Variants in ASMTL observed in about 807,000 individuals in gnomAD.
The protein encoded by ASMTL is acetylserotonin O-methyltransferase like.
ASMTL carries 57 observed loss-of-function variants against 60.3 expected under a neutral mutation model. The ratio of observed to expected loss-of-function variants is 0.95; its 90% CI spans 0.76 to 1.18. The LOEUF is 1.18. Ranked by LOEUF, ASMTL falls within the 50% of genes most tolerant of loss-of-function variation. ASMTL has a pLI of 0.00. For missense variants in ASMTL, 981 were observed against 852.6 expected (o/e 1.15, Z -1.88); for synonymous variants, 419 against 373.0 (o/e 1.12, Z -1.42).
At chrX:1,404,168 GTAGA>G (rs1479123578) in intron 12 of ASMTL, among the ~76,000 whole-genome samples, 29 of 147,660 alleles carry the variant, frequency 2.0e-4, no homozygotes, top group African/African-American at 5.1e-4. Flanking sequence ...GGGTACGTAG[GTAGA>G]TGGATGGATA....
chrX:1,415,279 C>A (rs1369716733), intron 11 of ASMTL, among the ~76,000 whole-genome samples: 1 of 151,772 alleles, frequency 6.6e-6, no homozygotes, highest in Non-Finnish European at 1.5e-5. Flanking sequence ...TCCTTCAAGT[C>A]TAACCTAAGG....
At position 1,418,109 on chromosome X, in the gene ASMTL, C is replaced by G. The variant is rs6644873; in HGVS notation, c.1386G>C (p.Thr462=). The G allele has an allele frequency of 0.69, 1,102,702 of 1,603,690 alleles. 384,208 individuals are homozygous for G. Among genetic ancestry groups the G allele is most frequent in the South Asian group, 0.83 (74,534 of 90,042 alleles). ...GGGCCAGCTCTCGGGCCAGTGCACCCGTGCAGCCTGCGGGGAAGCAAATGC... is the reference window on the plus strand; with the variant it reads ...GGGCCAGCTCTCGGGCCAGTGCACCGGTGCAGCCTGCGGGGAAGCAAATGC... ...FSSACDVGGC[T]GALARELARE... is the part of the protein sequence containing the mutation. Residue 462 remains threonine, a synonymous_variant, in exon 11 of 13, where the codon ACG becomes ACC. Coordinates refer to ENST00000381317, the MANE Select transcript of ASMTL (RefSeq NM_004192.4).
intron 12 of ASMTL, among the ~76,000 whole-genome samples, chrX:1,404,765 GTAGA>G (rs1368893382): frequency 1.3e-4 from 20 of 151,338 alleles, no homozygotes; most frequent in Admixed American, 3.3e-4. Flanking sequence ...TGATGGACAG[GTAGA>G]TAGATGAATG....
At chrX:1,413,415 C>T (rs2090112541) in intron 11 of ASMTL, among the ~76,000 whole-genome samples, 1 of 152,294 alleles carries the variant, frequency 6.6e-6, no homozygotes, top group South Asian at 2.1e-4. Context: ...AGTCGGCGCA[C>T]ATGGGCGTGT....
intron 1 of ASMTL, among the ~76,000 whole-genome samples, chrX:1,447,913 C>T (rs2091263479): frequency 6.7e-6 from 1 of 148,854 alleles, no homozygotes; most frequent in Non-Finnish European, 1.5e-5. Context: ...GCACCGCCAT[C>T]TTGGACACAC....
chrX:1,452,269 C>A (rs1277720287), intron 1 of ASMTL, among the ~76,000 whole-genome samples: 1 of 150,104 alleles, frequency 6.7e-6, no homozygotes, highest in African/African-American at 2.5e-5. Flanking sequence ...GGTTACTCCC[C>A]CACCCCCATC....
intron 4 of ASMTL, 155 bp from the exon 5 acceptor site, chrX:1,435,238 G>A (rs2090929463): frequency 2.4e-6 from 2 of 824,690 alleles, no homozygotes. Context: ...GGGTCTCCAG[G>A]GAAACCTTTA....
At chrX:1,444,208 A>T (rs2091184059) in intron 1 of ASMTL, among the ~76,000 whole-genome samples, 1 of 123,510 alleles carries the variant, frequency 8.1e-6, no homozygotes, top group African/African-American at 2.9e-5. Flanking sequence ...CACTTTTTGT[A>T]TTTTTTTTTT....
At chrX:1,425,043 ACCAT>A (rs1213380818) in intron 8 of ASMTL, among the ~76,000 whole-genome samples, 8 of 71,242 alleles carry the variant, frequency 1.1e-4, no homozygotes, top group African/African-American at 2.9e-4. Context: ...CTATCCACCT[ACCAT>A]CCATCCATCC....
intron 3 of ASMTL, among the ~76,000 whole-genome samples, chrX:1,436,332 C>A (rs1383790351): frequency 6.6e-6 from 1 of 151,820 alleles, no homozygotes; most frequent in Non-Finnish European, 1.5e-5. Context: ...CACCACCATG[C>A]CTGGCTAATT....
Position 1,421,694 on chromosome X carries a change from G to C in ASMTL, c.1209C>G (p.His403Gln), listed in dbSNP as rs1652552439. The C allele has an allele frequency of 6.2e-7, 1 of 1,613,818 alleles. No individual in the cohort carries two copies. Among genetic ancestry groups the C allele is most frequent in the African/African-American group, 1.3e-5 (1 of 74,908 alleles). Residue 403 changes from histidine (H) to glutamine (Q), a missense_variant, in exon 9 of 13, where the codon CAC becomes CAG. Transcript: ENST00000381317. ...CTTCCGCCTTCTTCCCCAACGCCCT[G>C]TGGTGCTGGTTTGTTCCCTCTCGGA... ...FAIREGTNQH[H>Q]RALGKKAEDL...
chrX:1,412,923 G>A (rs2149275087), intron 11 of ASMTL, 69 bp from the exon 12 acceptor site: 1 of 1,573,938 alleles, frequency 6.4e-7, no homozygotes, highest in East Asian at 2.3e-5. Flanking sequence ...GACAGATCCT[G>A]GGACGGCCAC....
chrX:1,413,448 C>G (rs1275542872), intron 11 of ASMTL, among the ~76,000 whole-genome samples: 2 of 152,242 alleles, frequency 1.3e-5, no homozygotes, highest in Non-Finnish European at 2.9e-5. Flanking sequence ...CGGGGCCGCA[C>G]TGCCGGTGAG....
chrX:1,424,844 A>C, intron 8 of ASMTL, among the ~76,000 whole-genome samples: 1 of 105,142 alleles, frequency 9.5e-6, no homozygotes, highest in Non-Finnish European at 2.0e-5. Flanking sequence ...CCATCCATCC[A>C]TCTATCCATC....
In ASMTL at chrX:1,418,942, AAACG is replaced by A. The variant is rs773768539; in HGVS notation, c.1378+36_1378+39del. 4 of 1,611,056 alleles carry A rather than the reference AAACG, an allele frequency of 2.5e-6. No individual in the cohort carries two copies. In the South Asian group the frequency reaches 4.4e-5, roughly 18 times the overall value. ...GCAGGGAAGATACCTGTGGCTTAAT[AAACG>A]AAAGTAAGGAGAGCCCTGGCGGGGG... On this transcript the variant is annotated intron_variant, in intron 10 of 12. Transcript: ENST00000381317.
intron 9 of ASMTL, among the ~76,000 whole-genome samples, chrX:1,420,433 C>T (rs370960977): frequency 2.6e-4 from 40 of 152,298 alleles, no homozygotes; most frequent in African/African-American, 9.1e-4. Context: ...CAGGAAGCCC[C>T]CGGCTCCCTG....
rs779905979 is a variant in ASMTL, at chrX:1,425,547, C to A, written c.1038G>T (p.Gly346=). ...ERLLDICAAM[G]LLEKTEQGYS... is the part of the protein sequence containing the mutation. Reference sequence around the variant, plus strand: ...CACCTTGCTCTGTCTTCTCCAGGAGCCCCATGGCAGCACAGATGTCCAGAA... The same window carrying A: ...CACCTTGCTCTGTCTTCTCCAGGAGACCCATGGCAGCACAGATGTCCAGAA... Residue 346 remains glycine (G), a synonymous_variant, in exon 8 of 13, where the codon GGG becomes GGT. Coordinates refer to ENST00000381317, the MANE Select transcript of ASMTL (RefSeq NM_004192.4). 1 of 1,613,158 alleles carries A rather than the reference C, an allele frequency of 6.2e-7. No individual in the cohort carries two copies. The highest frequency in any genetic ancestry group is 8.5e-7 in the Non-Finnish European group (1 of 1,179,750).
At chrX:1,425,410 A>T in intron 8 of ASMTL, 115 bp downstream of exon 8, 1 of 1,201,802 alleles carries the variant, frequency 8.3e-7, no homozygotes, top group East Asian at 2.4e-5. Context: ...TCCTGAGGGC[A>T]GAGGGACAGA....
rs1232235679 is a variant in ASMTL at position 1,435,706 on chromosome X, C to T, written c.326G>A (p.Arg109Lys). The change falls in exon 4 of 13, where the codon AGG becomes AAG. Residue 109 changes from arginine (R) to lysine (K), a missense_variant. Physicochemically the swap from Arg to Lys is conservative, Grantham distance 26. Coordinates refer to ENST00000381317, the MANE Select transcript of ASMTL (RefSeq NM_004192.4). ...ACATGGTGCTTACCGGGACAGCATC[C>T]TGTAGGCGTCCTGCTTGTCCACCGG... The part of the protein sequence containing the change: ...EKPVDKQDAY[R>K]MLSRLSGREH... 1 of 1,613,506 alleles carries T rather than the reference C, an allele frequency of 6.2e-7. No individual in the cohort carries two copies. Among genetic ancestry groups the T allele is most frequent in the African/African-American group, 1.3e-5 (1 of 74,852 alleles).
Sources: gnomAD v4.1 joint callset for allele counts (sites outside exome capture counted in the v4.1 genomes callset) on GRCh38, gnomAD v4.1.1 for gene constraint, MANE v1.5 for transcripts, NCBI Gene and HGNC (gene_info 2026-07-23, HGNC 2026-07-21) for gene names.